The following DACH1 variants were observed in gnomAD, a reference collection of about 807,000 sequenced individuals.
DACH1 encodes the protein dachshund family transcription factor 1.
DACH1 carries 12 observed loss-of-function variants against 54.2 expected under a neutral mutation model. The observed-to-expected ratio is 0.22, with a 90% confidence interval of 0.14 to 0.36. The LOEUF is 0.36. DACH1 is among the 10% of genes least tolerant of loss of function. The pLI is 1.00. For missense variants in DACH1, 805 were observed against 929.8 expected, an observed-to-expected ratio of 0.87 and a Z score of 1.75; for synonymous variants, 386 against 366.2, an observed-to-expected ratio of 1.05 and a Z score of -0.62.
chr13:71,712,696 T>C (rs1882777978), intron 1 of DACH1, among the ~76,000 whole-genome samples: 1 of 152,166 alleles, frequency 6.6e-6, no homozygotes, highest in East Asian at 1.9e-4. Context: ...ATTTTTTTAA[T>C]GAAAATGTTG....
chr13:71,624,138 T>G (rs1312988932), intron 3 of DACH1, among the ~76,000 whole-genome samples: 1 of 151,900 alleles, frequency 6.6e-6, no homozygotes, highest in African/African-American at 2.4e-5. Flanking sequence ...CTTAGTACAT[T>G]TTTTGTCTTT....
At chr13:71,712,294 A>G (rs902954271) in intron 1 of DACH1, among the ~76,000 whole-genome samples, 1 of 152,072 alleles carries the variant, frequency 6.6e-6, no homozygotes, top group African/African-American at 2.4e-5. Flanking sequence ...TTGAATATCA[A>G]TTCATATTAA....
chr13:71,739,643 T>C (rs1306115389), intron 1 of DACH1, among the ~76,000 whole-genome samples: 1 of 152,184 alleles, frequency 6.6e-6, no homozygotes, highest in Non-Finnish European at 1.5e-5. Context: ...GCCACTGTCC[T>C]GGACAAGACA....
At chr13:71,498,289 A>G (rs1879615177) in intron 6 of DACH1, among the ~76,000 whole-genome samples, 1 of 152,212 alleles carries the variant, frequency 6.6e-6, no homozygotes, top group African/African-American at 2.4e-5. Context: ...GCTACCTAAC[A>G]TATAGTAAGT....
At chr13:71,697,977 G>T (rs1034889936) in intron 1 of DACH1, among the ~76,000 whole-genome samples, 1 of 152,120 alleles carries the variant, frequency 6.6e-6, no homozygotes, top group Non-Finnish European at 1.5e-5. Context: ...ATGCCAGAAA[G>T]TACTGAGTAA....
At chr13:71,627,375 T>C (rs149860661) in intron 3 of DACH1, among the ~76,000 whole-genome samples, 2,243 of 149,834 alleles carry the variant, frequency 0.015, 19 homozygotes, top group Middle Eastern at 0.035. Flanking sequence ...TAACAGAACT[T>C]ATGAGCTAGA....
rs540281857 is a variant in DACH1 at position 71,551,926 on chromosome 13, T to C, written c.1570+5098A>G. ...TGTTAAGCATTGGAGATGTTGAGCATTGGAAATCTTGAGCATTCCCCACCA... is the reference window on the plus strand; with the variant it reads ...TGTTAAGCATTGGAGATGTTGAGCACTGGAAATCTTGAGCATTCCCCACCA... On this transcript the variant is annotated intron_variant, in intron 6 of 10. Coordinates refer to ENST00000613252, the MANE Select transcript of DACH1 (RefSeq NM_080759.6). Among the ~76,000 whole-genome samples, 6 of 152,110 alleles carry C rather than the reference T, an allele frequency of 3.9e-5. No individual in the cohort carries two copies. The East Asian group carries it at 5.9e-4, about 15-fold the overall frequency.
chr13:71,503,450 A>G (rs1439283157), intron 6 of DACH1, among the ~76,000 whole-genome samples: 2 of 152,212 alleles, frequency 1.3e-5, no homozygotes, highest in Admixed American at 1.3e-4. Flanking sequence ...TTTAAGTTAG[A>G]TGAGCCTGAA....
intron 1 of DACH1, among the ~76,000 whole-genome samples, chr13:71,789,016 G>A (rs1177245103): frequency 6.6e-6 from 1 of 151,988 alleles, no homozygotes; most frequent in African/African-American, 2.4e-5. Flanking sequence ...TAAATATTAT[G>A]TATTACTTAT....
chr13:71,492,124 T>A (rs957190285), intron 6 of DACH1, among the ~76,000 whole-genome samples: 1 of 152,312 alleles, frequency 6.6e-6, no homozygotes, highest in Non-Finnish European at 1.5e-5. Flanking sequence ...TACTTTAAAA[T>A]AATTGTATAC....
At chr13:71,523,365 C>A (rs1881734782) in intron 6 of DACH1, among the ~76,000 whole-genome samples, 1 of 152,136 alleles carries the variant, frequency 6.6e-6, no homozygotes, top group Admixed American at 6.6e-5. Context: ...ATTGTCTTCT[C>A]TCTCATTGTG....
chr13:71,765,745 C>A (rs980725371), intron 1 of DACH1, among the ~76,000 whole-genome samples: 6 of 152,078 alleles, frequency 3.9e-5, no homozygotes, highest in African/African-American at 1.4e-4. Context: ...AGATTTAAGA[C>A]CCCCAGTTTT....
At chr13:71,751,502 T>C (rs905831166) in intron 1 of DACH1, among the ~76,000 whole-genome samples, 1 of 152,210 alleles carries the variant, frequency 6.6e-6, no homozygotes, top group Non-Finnish European at 1.5e-5. Context: ...GAAGATATTG[T>C]TGATCTAAAT....
chr13:71,625,185 T>A (rs1256543680), intron 3 of DACH1, among the ~76,000 whole-genome samples: 1 of 152,026 alleles, frequency 6.6e-6, no homozygotes, highest in Non-Finnish European at 1.5e-5. Flanking sequence ...CGTTTCATTA[T>A]AGCAGCATCA....
intron 1 of DACH1, among the ~76,000 whole-genome samples, chr13:71,689,208 CA>C (rs1881347043): frequency 6.6e-6 from 1 of 152,112 alleles, no homozygotes; most frequent in African/African-American, 2.4e-5. Context: ...AATTATTCCC[CA>C]AAAGTTAGGA....
chr13:71,719,298 A>G (rs1309886548), intron 1 of DACH1, among the ~76,000 whole-genome samples: 1 of 152,190 alleles, frequency 6.6e-6, no homozygotes, highest in East Asian at 1.9e-4. Flanking sequence ...CTTTGACCCA[A>G]AATAGAATGG....
At chr13:71,484,579 C>A (rs1593767306) in intron 7 of DACH1, among the ~76,000 whole-genome samples, 1 of 152,272 alleles carries the variant, frequency 6.6e-6, no homozygotes, top group East Asian at 1.9e-4. Context: ...CCCCTCATGG[C>A]AAATATCTTC....
chr13:71,684,860 T>C (rs1881081597), intron 1 of DACH1, among the ~76,000 whole-genome samples: 1 of 152,050 alleles, frequency 6.6e-6, no homozygotes, highest in Non-Finnish European at 1.5e-5. Flanking sequence ...AATTCCAGGG[T>C]CATAAAGTTT....
At chr13:71,801,381 A>G (rs1277329443) in intron 1 of DACH1, among the ~76,000 whole-genome samples, 1 of 152,160 alleles carries the variant, frequency 6.6e-6, no homozygotes, top group Non-Finnish European at 1.5e-5. Flanking sequence ...CATCTTCAGC[A>G]TTAGATTCAC....
Sources: allele counts gnomAD v4.1 joint callset (sites outside exome capture counted in the v4.1 genomes callset), GRCh38; gene constraint gnomAD v4.1.1; transcripts MANE v1.5; gene names NCBI Gene and HGNC (gene_info 2026-07-23, HGNC 2026-07-21).